Variants in LEF1 observed in about 807,000 individuals in gnomAD.
The protein encoded by LEF1 is lymphoid enhancer binding factor 1, also known as lymphoid enhancer-binding factor 1.
LEF1 carries 14 observed loss-of-function variants against 51.2 expected under a neutral mutation model. The observed-to-expected ratio is 0.27, with a 90% CI of 0.18 to 0.43. The LOEUF (loss-of-function observed/expected upper bound fraction) is 0.43, where lower values mean the gene tolerates loss of function less well. Ranked by LOEUF, LEF1 falls within the 20% of genes least tolerant of loss-of-function variation. The pLI is 1.00. For missense variants in LEF1, 386 were observed against 512.0 expected, an observed-to-expected ratio of 0.75 and a Z score of 2.37; for synonymous variants, 185 against 183.2, an observed-to-expected ratio of 1.01 and a Z score of -0.08.
At chr4:108,066,184 T>C (rs1351487076) in intron 9 of LEF1, among the ~76,000 whole-genome samples, 1 of 152,202 alleles carries the variant, frequency 6.6e-6, no homozygotes, top group Non-Finnish European at 1.5e-5. Context: ...TTATTAAAGG[T>C]GCTCTGGGGA....
In LEF1 at chr4:108,083,199, C is replaced by T. The variant is rs745600463; in HGVS notation, c.638+157G>A. ...TTTCAAAGTCTGTATGTTTTTTAAT[C>T]TTTTAAATTGAAATGAATAAAGTTA... is the stretch of plus-strand genomic sequence containing the variant. On this transcript the variant is annotated intron_variant, in intron 5 of 11. Coordinates refer to ENST00000265165, the MANE Select transcript of LEF1 (RefSeq NM_016269.5). 51 of 636,710 alleles carry T rather than the reference C, an allele frequency of 8.0e-5. No homozygotes were observed. The East Asian group carries it at 1.4e-3, about 17-fold the overall frequency. The allele number at this position is 636,710 out of a possible 1,614,324, so 39.4% of individuals were successfully genotyped here.
intron 3 of LEF1, among the ~76,000 whole-genome samples, chr4:108,149,320 G>A (rs1249823482): frequency 2.7e-5 from 4 of 150,364 alleles, no homozygotes; most frequent in East Asian, 1.9e-4. Context: ...TTAGCCGGGC[G>A]TGGTGGCGGG....
chr4:108,137,562 G>C (rs9992763), intron 3 of LEF1, among the ~76,000 whole-genome samples: 1 of 151,926 alleles, frequency 6.6e-6, no homozygotes, highest in South Asian at 2.1e-4. Flanking sequence ...GTGTGTGCTG[G>C]GGGGAAGAAG....
intron 3 of LEF1, among the ~76,000 whole-genome samples, chr4:108,107,297 C>G (rs1417994462): frequency 6.7e-6 from 1 of 149,226 alleles, no homozygotes; most frequent in Non-Finnish European, 1.5e-5. Context: ...TGGTAAAGAT[C>G]ACACAGATCT....
intron 11 of LEF1, among the ~76,000 whole-genome samples, chr4:108,060,757 T>A (rs1028233994): frequency 2.6e-5 from 4 of 152,128 alleles, no homozygotes; most frequent in Non-Finnish European, 5.9e-5. Context: ...TTGTTTTTTT[T>A]AATCAACTAC....
At chr4:108,140,192 G>T (rs886093801) in intron 3 of LEF1, among the ~76,000 whole-genome samples, 7 of 152,108 alleles carry the variant, frequency 4.6e-5, no homozygotes, top group African/African-American at 1.7e-4. Context: ...TTCCTATGTG[G>T]TTATATTTTA....
At chr4:108,149,610 CAT>C (rs945016483) in intron 3 of LEF1, among the ~76,000 whole-genome samples, 1 of 146,464 alleles carries the variant, frequency 6.8e-6, no homozygotes, top group African/African-American at 2.5e-5. Context: ...TATATATGTA[CAT>C]ATATATACAT....
At chr4:108,051,009 G>T (rs1412882672) in intron 11 of LEF1, among the ~76,000 whole-genome samples, 1 of 152,200 alleles carries the variant, frequency 6.6e-6, no homozygotes, top group Non-Finnish European at 1.5e-5. Flanking sequence ...GAGTACAAGT[G>T]ATAATATAGT....
intron 3 of LEF1, among the ~76,000 whole-genome samples, chr4:108,139,491 A>G: frequency 6.6e-6 from 1 of 152,246 alleles, no homozygotes; most frequent in South Asian, 2.1e-4. Context: ...GACTATGTCC[A>G]GCACAGATCA....
At chr4:108,158,709 G>T (rs983084823) in intron 3 of LEF1, among the ~76,000 whole-genome samples, 1 of 151,478 alleles carries the variant, frequency 6.6e-6, no homozygotes, top group African/African-American at 2.4e-5. Context: ...AAATGGTTCT[G>T]TCTAAAGAAC....
rs540907696 is a variant in LEF1, at chr4:108,127,673, G to A, written c.414+35895C>T. 1.3e-4 allele frequency among the ~76,000 whole-genome samples: 20 copies of A among 152,140 alleles called. No homozygotes were observed. In the East Asian group the frequency reaches 3.3e-3, roughly 25 times the overall value. On this transcript the variant is annotated intron_variant, in intron 3 of 11. Transcript: ENST00000265165. Reference sequence around the variant, plus strand: ...CTAGCCATTTCTCACTTATTTAAGCGGAAAATAAATTATCGTGACTGTAGG... The same window carrying A: ...CTAGCCATTTCTCACTTATTTAAGCAGAAAATAAATTATCGTGACTGTAGG...
At chr4:108,064,195 A>G in intron 10 of LEF1, 141 bp downstream of exon 10, 1 of 551,516 alleles carries the variant, frequency 1.8e-6, no homozygotes, top group East Asian at 3.1e-5. Context: ...AATTTTTAAA[A>G]GAATTTCAGG....
chr4:108,100,481 G>A (rs892101641), intron 3 of LEF1, among the ~76,000 whole-genome samples: 1 of 152,152 alleles, frequency 6.6e-6, no homozygotes, highest in Non-Finnish European at 1.5e-5. Flanking sequence ...TTTGTTCCAT[G>A]TATTAAAAAT....
At chr4:108,105,027 G>A (rs1190854808) in intron 3 of LEF1, among the ~76,000 whole-genome samples, 2 of 152,046 alleles carry the variant, frequency 1.3e-5, no homozygotes, top group Admixed American at 6.6e-5. Context: ...TCACAGGCAT[G>A]AGCAAAAGTC....
At chr4:108,160,294 C>A (rs17038703) in intron 3 of LEF1, among the ~76,000 whole-genome samples, 1,615 of 152,242 alleles carry the variant, frequency 0.011, 33 homozygotes, top group African/African-American at 0.036. Context: ...CATTGGCCTA[C>A]AGGGATTTTC....
intron 3 of LEF1, among the ~76,000 whole-genome samples, chr4:108,116,830 C>G (rs779093724): frequency 6.6e-6 from 1 of 152,192 alleles, no homozygotes; most frequent in Non-Finnish European, 1.5e-5. Flanking sequence ...TCTGCTTCAG[C>G]AAGTTGTGGA....
chr4:108,149,627 A>G (rs760662657), intron 3 of LEF1, among the ~76,000 whole-genome samples: 17 of 150,378 alleles, frequency 1.1e-4, no homozygotes, highest in Admixed American at 5.3e-4. Flanking sequence ...ATACATGTGT[A>G]TATATATGTA....
chr4:108,122,761 A>C (rs1742258402), intron 3 of LEF1, among the ~76,000 whole-genome samples: 1 of 152,076 alleles, frequency 6.6e-6, no homozygotes, highest in Non-Finnish European at 1.5e-5. Context: ...GCTGAGAATA[A>C]AGGTGTGAGC....
intron 3 of LEF1, 37 bp downstream of exon 3, chr4:108,163,531 T>G (rs768719851): frequency 1.9e-6 from 3 of 1,602,000 alleles, no homozygotes; most frequent in Admixed American, 3.4e-5. Context: ...CAATTTGCAC[T>G]TCTGAACATA....
Sources: gnomAD v4.1 joint callset for allele counts (sites outside exome capture counted in the v4.1 genomes callset) on GRCh38, gnomAD v4.1.1 for gene constraint, MANE v1.5 for transcripts, NCBI Gene and HGNC (gene_info 2026-07-23, HGNC 2026-07-21) for gene names.